INTS11: variants seen among roughly 807,000 people sequenced by gnomAD.
INTS11 encodes integrator complex subunit 11.
A neutral mutation model predicts 78.6 loss-of-function variants in INTS11; 77 were observed. The ratio of observed to expected loss-of-function variants is 0.98; its 90% confidence interval spans 0.81 to 1.18. The LOEUF (loss-of-function observed/expected upper bound fraction) is 1.18. Ranked by LOEUF, INTS11 falls within the 50% of genes most tolerant of loss-of-function variation. The pLI is 0.00. For synonymous variants in INTS11, 441 were observed against 326.9 expected, an observed-to-expected ratio of 1.35 and a Z score of -3.77; for missense variants, 875 against 825.9, an observed-to-expected ratio of 1.06 and a Z score of -0.73.
Position 1,313,741 on chromosome 1 carries a change from T to C in INTS11, c.948A>G (p.Pro316=), listed in dbSNP as rs774657890. 5.0e-6 allele frequency: 8 copies of C among 1,612,948 alleles called. No homozygotes were observed. Among genetic ancestry groups the C allele is most frequent in the Non-Finnish European group, 6.8e-6 (8 of 1,179,920 alleles). Residue 316 remains proline (P), a synonymous_variant, in exon 9 of 17, where the codon CCA becomes CCG. Transcript: ENST00000435064. ...CTGCCGCGGGCCTCACCATCGGTCC[T>C]GGGTTGTCAGCAAAAGCCCGGTCGA... ...KAFDRAFADN[P]GPMVVFATPG...
chr1:1,315,660 A>AGAGGGGCGGGGAGTGAGGGAGGC, intron 4 of INTS11, 42 bp from the exon 5 acceptor site: 1 of 1,265,478 alleles, frequency 7.9e-7, no homozygotes, highest in Non-Finnish European at 1.1e-6. Context: ...TCCTCACAGC[A>AGAGGGGCGGGGAGTGAGGGAGGC]GAGGGGCGGG....
In INTS11 at chr1:1,314,324, G is replaced by A. The variant is rs1303864071; in HGVS notation, c.744C>T (p.Leu248=). Residue 248 remains leucine (L), a synonymous_variant, in exon 8 of 17, where the codon CTC becomes CTT. Transcript: ENST00000435064. This position sits in a 1 kb window ranked among gnomAD's most constrained non-coding sequence, Gnocchi z 4.2. ...PVFALGRAQE[L]CILLETFWER... is the part of the protein sequence containing the mutation. Reference sequence around the variant, plus strand: ...ACCAGAAGGTCTCCAGGAGGATGCAGAGCTCCTGGGCGCGGCCCAGCGCGA... The same window carrying A: ...ACCAGAAGGTCTCCAGGAGGATGCAAAGCTCCTGGGCGCGGCCCAGCGCGA... 1.9e-6 allele frequency: 3 copies of A among 1,605,804 alleles called. No individual in the cohort carries two copies. The highest frequency in any genetic ancestry group is 1.7e-6 in the Non-Finnish European group (2 of 1,177,254).
chr1:1,324,075 A>AGGGGCTGG (rs1312796357), intron 1 of INTS11, among the ~76,000 whole-genome samples: 1 of 3,204 alleles, frequency 3.1e-4, no homozygotes, highest in Non-Finnish European at 8.4e-4. Context: ...TGAGGGGCTG[A>AGGGGCTGG]GGGGCTGGGA....
Position 1,322,973 on chromosome 1 carries a change from T to G in INTS11, c.28+1608A>C, listed in dbSNP as rs896215653. The G allele has an allele frequency of 6.6e-6, 9 of 1,366,422 alleles. No homozygotes were observed. In the South Asian group the frequency reaches 1.5e-4, roughly 22 times the overall value. The allele number at this position is 1,366,422 out of a possible 1,614,324, so 84.6% of individuals were successfully genotyped here. On this transcript the variant is annotated intron_variant, in intron 1 of 16. Coordinates refer to ENST00000435064, the MANE Select transcript of INTS11 (RefSeq NM_017871.6). Reference sequence around the variant, plus strand: ...CACATGAAAGATCAGAAAGATCAGATGTCCAGAGAGTGGGCAGAACAGGCA... The same window carrying G: ...CACATGAAAGATCAGAAAGATCAGAGGTCCAGAGAGTGGGCAGAACAGGCA...
intron 1 of INTS11, chr1:1,322,984 T>A (rs936494401): frequency 2.6e-5 from 36 of 1,365,584 alleles, no homozygotes; most frequent in Non-Finnish European, 3.2e-5. Flanking sequence ...GTCCAGAGAG[T>A]GGGCAGAACA....
Position 1,311,860 on chromosome 1 carries a change from C to G in INTS11, c.1802G>C (p.Ter601SerextTer30). 1 of 1,551,226 alleles carries G rather than the reference C, an allele frequency of 6.4e-7. No individual in the cohort carries two copies. The highest frequency in any genetic ancestry group is 8.7e-7 in the Non-Finnish European group (1 of 1,148,088). ...TGGCGGCTGGGTGAGTTGCCGGCCT[C>G]AGCTGGGGGCCTGGGGGAGGCCCTT... ...LKKGLPQAPS[*>S] The change falls in exon 17 of 17, where the codon TGA (stop) becomes TCA (serine). Residue 601 changes from the stop codon to serine, a stop_lost. Coordinates refer to ENST00000435064, the MANE Select transcript of INTS11 (RefSeq NM_017871.6).
At chr1:1,322,563 G>A (rs1184019680) in intron 1 of INTS11, among the ~76,000 whole-genome samples, 52 of 98,314 alleles carry the variant, frequency 5.3e-4, no homozygotes, top group African/African-American at 1.9e-3. Context: ...GGGTGGGGGA[G>A]GGGGAGGGAC....
Position 1,311,667 on chromosome 1 carries a change from G to A in INTS11, c.*192C>T, listed in dbSNP as rs1285454037. ...CTGCCCTAACCAGGAATAAAGGCAA[G>A]ACAGCCTGGAGACCAGTTTGTTTCT... On this transcript the variant is annotated 3_prime_UTR_variant, in exon 17 of 17. Coordinates refer to ENST00000435064, the MANE Select transcript of INTS11 (RefSeq NM_017871.6). 1.9e-5 allele frequency: 14 copies of A among 720,054 alleles called. No individual in the cohort carries two copies. Among genetic ancestry groups the A allele is most frequent in the African/African-American group, 3.5e-5 (2 of 57,458 alleles). 44.6% of individuals were successfully genotyped at this position (720,054 alleles called of 1,614,324 possible). A position where few individuals can be genotyped will look rare whatever the true frequency, so the allele number is the denominator to read the frequency against.
At chr1:1,320,386 G>A in intron 3 of INTS11, 70 bp downstream of exon 3, 1 of 1,483,938 alleles carries the variant, frequency 6.7e-7, no homozygotes, top group African/African-American at 1.4e-5. Flanking sequence ...ACGCTGCCGA[G>A]ACCAAGCAAG....
chr1:1,319,462 C>A lies in INTS11; in HGVS notation c.263G>T (p.Gly88Val). Residue 88 changes from glycine (G) to valine (V), a missense_variant, in exon 4 of 17, where the codon GGG becomes GTG. Physicochemically the swap from Gly to Val is moderately radical, Grantham distance 109. Transcript: ENST00000435064. The stretch of plus-strand genomic sequence containing the variant: ...GGTGGGGTGAGTCATGTAGATGGGC[C>A]CGTCGTAGCCCACCATCTCGCTGAA... ...PYFSEMVGYDGPIYMTHPTQA... is the reference protein window; with the variant it reads ...PYFSEMVGYDVPIYMTHPTQA... The A allele has an allele frequency of 6.2e-7, 1 of 1,609,222 alleles. No homozygotes were observed. The highest frequency in any genetic ancestry group is 8.5e-7 in the Non-Finnish European group (1 of 1,177,470).
Position 1,315,619 on chromosome 1 carries a change from C to T in INTS11, c.430-1G>A, listed in dbSNP as rs922244556. The T allele has an allele frequency of 3.8e-6, 6 of 1,597,578 alleles. No individual in the cohort carries two copies. Among genetic ancestry groups the T allele is most frequent in the Non-Finnish European group, 5.1e-6 (6 of 1,170,950 alleles). On this transcript the variant is annotated splice_acceptor_variant, in intron 4 of 16. Transcript: ENST00000435064. LOFTEE classifies it high-confidence loss of function. Reference sequence around the variant, plus strand: ...CCTTGATCTCCAGCTCATCATCTACCTGTGGAGGACAGGGCTGCGCTCAGG... The same window carrying T: ...CCTTGATCTCCAGCTCATCATCTACTTGTGGAGGACAGGGCTGCGCTCAGG...
chr1:1,312,213 G>GGGCCCCCCCCCCCCCCCC lies in INTS11; in HGVS notation c.1607+12_1607+13insGGGGGGGGGGGGGGGGCC. The GGGCCCCCCCCCCCCCCCC allele has an allele frequency of 1.1e-5, 10 of 934,478 alleles. No individual in the cohort carries two copies. Among genetic ancestry groups the GGGCCCCCCCCCCCCCCCC allele is most frequent in the East Asian group, 2.9e-5 (1 of 34,206 alleles). The allele number at this position is 934,478 out of a possible 1,614,324, so 57.9% of individuals were successfully genotyped here. A position where few individuals can be genotyped will look rare whatever the true frequency, so the allele number is the denominator to read the frequency against. ...CCCAAGGGAGTGGGGGGGGGGCGGG[G>GGGCCCCCCCCCCCCCCCC]CCGGGCGCCCACCTCTTGAGGTGGC... is the stretch of plus-strand genomic sequence containing the variant. On this transcript the variant is annotated intron_variant, in intron 15 of 16. Coordinates refer to ENST00000435064, the MANE Select transcript of INTS11 (RefSeq NM_017871.6).
At position 1,324,611 on chromosome 1, in the gene INTS11, T is replaced by C. The variant is rs374573080; in HGVS notation, c.-3A>G. 1,217 of 1,598,832 alleles carry C rather than the reference T, an allele frequency of 7.6e-4. 4 individuals carry two copies. The highest frequency in any genetic ancestry group is 3.4e-3 in the East Asian group (147 of 42,964). ...GGCGTGACTCTGATCTCAGGCATCG[T>C]CTCCGCCGCGCTCCCGGACCCGCGA... On this transcript the variant is annotated 5_prime_UTR_variant, in exon 1 of 17. Coordinates refer to ENST00000435064, the MANE Select transcript of INTS11 (RefSeq NM_017871.6).
chr1:1,319,311 G>A lies in INTS11; in HGVS notation c.414C>T (p.Leu138=), dbSNP rs1642807632. Residue 138 remains leucine, a synonymous_variant, in exon 4 of 17, where the codon CTC becomes CTT. Transcript: ENST00000435064. ...GGAACCTGACCTGGACCGTCTGGTG[G>A]AGGTGGACAGCCACCACCTTCTTCA... ...DCMKKVVAVH[L]HQTVQVDDEL... is the part of the protein sequence containing the mutation. The A allele has an allele frequency of 6.2e-7, 1 of 1,612,778 alleles. No individual in the cohort carries two copies.
At chr1:1,312,175 CTGGCCTCCAGGG>C in intron 15 of INTS11, 28 bp from the exon 16 acceptor site, 2 of 1,490,424 alleles carry the variant, frequency 1.3e-6, no homozygotes, top group Non-Finnish European at 1.8e-6. Context: ...GAGACCCTGC[CTGGCCTCCAGGG>C]CCCAAGGGAG....
At chr1:1,312,198 T>TTGGGG (rs752605219) in intron 15 of INTS11, 28 bp downstream of exon 15, 60 of 1,080,914 alleles carry the variant, frequency 5.6e-5, no homozygotes, top group Non-Finnish European at 6.7e-5. Context: ...CCCAAGGGAG[T>TTGGGG]GGGGGGGGGG....
chr1:1,312,594 C>A lies in INTS11; in HGVS notation c.1401G>T (p.Gln467His). The A allele has an allele frequency of 6.4e-7, 1 of 1,574,042 alleles. No individual in the cohort carries two copies. Among genetic ancestry groups the A allele is most frequent in the Non-Finnish European group, 8.7e-7 (1 of 1,155,772 alleles). ...SLGLLKREMA[Q>H]GLLPEAKKPR... ...CCCTGCCCTGCCCAGCCCGCATACC[C>A]TGCGCCATCTCCCGCTTCAGCAGCC... The change falls in exon 13 of 17, where the codon CAG (glutamine) becomes CAT (histidine). Residue 467 changes from glutamine to histidine, a missense_variant and splice_region_variant. Gln to His is a conservative substitution (Grantham distance 24). Coordinates refer to ENST00000435064, the MANE Select transcript of INTS11 (RefSeq NM_017871.6).
At chr1:1,317,416 AAG>A (rs1167573332) in intron 4 of INTS11, 25 of 949,358 alleles carry the variant, frequency 2.6e-5, no homozygotes, top group Non-Finnish European at 2.9e-5. Flanking sequence ...GAAAAAAAAA[AAG>A]AATTCAACAG....
chr1:1,322,176 A>C (rs1385600183), intron 1 of INTS11, among the ~76,000 whole-genome samples: 1 of 151,966 alleles, frequency 6.6e-6, no homozygotes, highest in Non-Finnish European at 1.5e-5. Flanking sequence ...CAGGGACCTA[A>C]GGCCACAGAG....
Sources: allele counts gnomAD v4.1 joint callset (sites outside exome capture counted in the v4.1 genomes callset), GRCh38; gene constraint gnomAD v4.1.1; non-coding constraint Gnocchi (gnomAD v3.1); transcripts MANE v1.5; gene names NCBI Gene and HGNC (gene_info 2026-07-23, HGNC 2026-07-21).